Variants in INSC observed in about 807,000 individuals in gnomAD.
The protein encoded by INSC is INSC spindle orientation adaptor protein.
A neutral mutation model predicts 58.6 loss-of-function variants in INSC; 67 were observed. The observed-to-expected ratio is 1.14, with a 90% confidence interval of 0.94 to 1.40. INSC has a LOEUF of 1.40. INSC is among the 40% of genes most tolerant of loss of function. The pLI, the probability that INSC is intolerant of heterozygous loss-of-function variation, is 0.00. For missense variants in INSC, 714 were observed against 692.0 expected (o/e 1.03, Z -0.36); for synonymous variants, 262 against 276.1 (o/e 0.95, Z 0.51).
chr11:15,258,775 A>G, the INSC span, among the ~76,000 whole-genome samples: 2 of 152,312 alleles, frequency 1.3e-5, no homozygotes, highest in South Asian at 2.1e-4. Context: ...TGAGATATGC[A>G]ACTTGAAATC....
At chr11:15,163,596 A>G (rs1371631535) in intron 2 of INSC, among the ~76,000 whole-genome samples, 2 of 151,928 alleles carry the variant, frequency 1.3e-5, no homozygotes, top group Non-Finnish European at 2.9e-5. Context: ...TTACTTATGT[A>G]TTTATTTTTT....
At chr11:15,193,719 C>A (rs1850267089) in intron 6 of INSC, among the ~76,000 whole-genome samples, 1 of 152,186 alleles carries the variant, frequency 6.6e-6, no homozygotes, top group Non-Finnish European at 1.5e-5. Flanking sequence ...GGTTCCAAGT[C>A]TTTGCTATTG....
At chr11:15,254,017 C>CA in the INSC span, among the ~76,000 whole-genome samples, 1 of 152,200 alleles carries the variant, frequency 6.6e-6, no homozygotes, top group Non-Finnish European at 1.5e-5. Flanking sequence ...AAATTCGCCT[C>CA]AAAGTATGGA....
chr11:15,196,724 A>C (rs1227332398), intron 6 of INSC, among the ~76,000 whole-genome samples: 1 of 152,242 alleles, frequency 6.6e-6, no homozygotes, highest in Non-Finnish European at 1.5e-5. Context: ...TATAGCACTC[A>C]CTTTGTGCCA....
upstream of INSC, chr11:15,112,591 A>AGTGT (rs375142839): frequency 2.5e-3 from 904 of 367,154 alleles, 9 homozygotes; most frequent in African/African-American, 8.2e-3. Flanking sequence ...GGTGGATGTG[A>AGTGT]GTGTGTGTGT....
chr11:15,112,313 C>T (rs1433772916), upstream of INSC: 4 of 534,232 alleles, frequency 7.5e-6, no homozygotes, highest in Admixed American at 1.1e-4. Flanking sequence ...TCTGAGCTCC[C>T]TTGGGCAGCC....
At chr11:15,194,676 A>G (rs996717113) in intron 6 of INSC, among the ~76,000 whole-genome samples, 1 of 152,240 alleles carries the variant, frequency 6.6e-6, no homozygotes, top group Admixed American at 6.5e-5. Context: ...CCATCCTATG[A>G]AGAAAGTACC....
In INSC at chr11:15,163,805, G is replaced by T. The variant is rs573149164; in HGVS notation, c.57-11936G>T. ...GACAAGGTTTCACCATATTAGCCAG[G>T]ATGGTCTCGATCTCCTGACCTCATG... On this transcript the variant is annotated intron_variant, in intron 2 of 12. Coordinates refer to ENST00000379556, the MANE Select transcript of INSC (RefSeq NM_001042536.3). Among the ~76,000 whole-genome samples, 12 of 152,280 alleles carry T rather than the reference G, an allele frequency of 7.9e-5. No homozygotes were observed. In the South Asian group the frequency reaches 1.9e-3, roughly 24 times the overall value.
At chr11:15,219,893 C>T (rs1179365070) in intron 7 of INSC, among the ~76,000 whole-genome samples, 3 of 152,186 alleles carry the variant, frequency 2.0e-5, no homozygotes, top group African/African-American at 7.2e-5. Context: ...CTTTTCTAGG[C>T]CCAAACGAGG....
At chr11:15,230,559 G>A (rs1366239954) in intron 9 of INSC, among the ~76,000 whole-genome samples, 1 of 152,206 alleles carries the variant, frequency 6.6e-6, no homozygotes, top group East Asian at 1.9e-4. Flanking sequence ...TTCAACATGA[G>A]ATTTTGGTGA....
chr11:15,121,854 C>T (rs1377239923), intron 1 of INSC, among the ~76,000 whole-genome samples: 3 of 152,166 alleles, frequency 2.0e-5, no homozygotes, highest in African/African-American at 7.2e-5. Flanking sequence ...TTGTCCCAAA[C>T]TTGATTAGTG....
chr11:15,180,885 A>G (rs546720421), intron 5 of INSC, among the ~76,000 whole-genome samples: 4 of 152,192 alleles, frequency 2.6e-5, no homozygotes, highest in South Asian at 2.1e-4. Context: ...TTCTTTTTAT[A>G]TTAGAAAGTT....
At chr11:15,184,534 T>C (rs1849895879) in intron 5 of INSC, 1 of 154,208 alleles carries the variant, frequency 6.5e-6, no homozygotes, top group Non-Finnish European at 1.4e-5. Context: ...TAGCTGGGAC[T>C]ACAGGCACAC....
At chr11:15,131,497 C>T (rs1387029129) in intron 1 of INSC, among the ~76,000 whole-genome samples, 3 of 152,098 alleles carry the variant, frequency 2.0e-5, no homozygotes, top group Admixed American at 6.5e-5. Flanking sequence ...CTTAAATGTG[C>T]CATTCAAATA....
chr11:15,177,002 A>C lies in INSC; in HGVS notation c.403-109A>C, dbSNP rs544432646. ...TTATATTTTAACTGCCTGTTCCCCA[A>C]GTCACATTAATTGATTCTTCATGTT... is the stretch of plus-strand genomic sequence containing the variant. On this transcript the variant is annotated intron_variant, in intron 3 of 12. Transcript: ENST00000379556. The C allele has an allele frequency of 1.1e-5, 10 of 881,464 alleles. No homozygotes were observed. The South Asian group carries it at 1.4e-4, about 12-fold the overall frequency. 54.6% of individuals were successfully genotyped at this position (881,464 alleles called of 1,614,324 possible).
chr11:15,233,764 A>G (rs1852016523), intron 9 of INSC, among the ~76,000 whole-genome samples: 1 of 150,992 alleles, frequency 6.6e-6, no homozygotes, highest in Admixed American at 6.6e-5. Context: ...ATGAATCTGC[A>G]TGTCAAGTAA....
At chr11:15,161,021 G>A (rs1375134490) in intron 2 of INSC, among the ~76,000 whole-genome samples, 4 of 152,196 alleles carry the variant, frequency 2.6e-5, no homozygotes, top group African/African-American at 9.7e-5. Context: ...TATGCAGAAG[G>A]TACTCAAGAG....
At chr11:15,159,878 T>A (rs1238866686) in intron 2 of INSC, among the ~76,000 whole-genome samples, 1 of 152,230 alleles carries the variant, frequency 6.6e-6, no homozygotes, top group Non-Finnish European at 1.5e-5. Context: ...ATTATAATGA[T>A]TATGGATTTT....
chr11:15,125,529 T>A (rs137914361), intron 1 of INSC, among the ~76,000 whole-genome samples: 2 of 152,278 alleles, frequency 1.3e-5, no homozygotes, highest in African/African-American at 4.8e-5. Flanking sequence ...AGGACCAAGG[T>A]CCACTTATTC....
Sources: allele counts gnomAD v4.1 joint callset (sites outside exome capture counted in the v4.1 genomes callset), GRCh38; gene constraint gnomAD v4.1.1; transcripts MANE v1.5; gene names NCBI Gene and HGNC (gene_info 2026-07-23, HGNC 2026-07-21).